IGF2BP3: variants seen among roughly 807,000 people sequenced by gnomAD.
IGF2BP3 encodes the protein insulin-like growth factor 2 mRNA-binding protein 3.
A neutral mutation model predicts 73.8 loss-of-function variants in IGF2BP3; 9 were observed. The observed-to-expected ratio is 0.12, with a 90% CI of 0.07 to 0.21. The LOEUF (loss-of-function observed/expected upper bound fraction) is 0.21. Among genes scored for constraint, IGF2BP3 ranks in the 10% least tolerant of loss-of-function variants. IGF2BP3 has a pLI of 1.00. For synonymous variants in IGF2BP3, 258 were observed against 256.7 expected (o/e 1.01, Z -0.05); for missense variants, 542 against 714.0 (o/e 0.76, Z 2.75).
At chr7:23,468,188 C>T (rs1027309536) in intron 2 of IGF2BP3, among the ~76,000 whole-genome samples, 1 of 152,174 alleles carries the variant, frequency 6.6e-6, no homozygotes, top group African/African-American at 2.4e-5. Context: ...GACCCATTTC[C>T]CGTAGGAGCA....
intron 2 of IGF2BP3, among the ~76,000 whole-genome samples, chr7:23,458,485 C>T (rs1218752592): frequency 6.6e-6 from 1 of 152,138 alleles, no homozygotes; most frequent in Non-Finnish European, 1.5e-5. Context: ...CAGACAGACA[C>T]CGTGGACTCC....
At chr7:23,323,558 C>T (rs1383453899) in intron 10 of IGF2BP3, among the ~76,000 whole-genome samples, 1 of 148,556 alleles carries the variant, frequency 6.7e-6, no homozygotes. Context: ...CTCAGCTCTG[C>T]ACCAAGCAGA....
intron 2 of IGF2BP3, among the ~76,000 whole-genome samples, chr7:23,460,166 G>A (rs187235891): frequency 1.6e-4 from 18 of 112,386 alleles, no homozygotes; most frequent in African/African-American, 2.5e-4. Flanking sequence ...GCAACCGTGC[G>A]AGACCCTGCC....
chr7:23,433,253 A>G (rs138464182), intron 2 of IGF2BP3, among the ~76,000 whole-genome samples: 39 of 152,246 alleles, frequency 2.6e-4, no homozygotes, highest in African/African-American at 8.7e-4. Context: ...CAGCAACAAG[A>G]TATTTTTAAA....
chr7:23,356,939 G>A lies in IGF2BP3; in HGVS notation c.401+4595C>T, dbSNP rs547488810. On this transcript the variant is annotated intron_variant, in intron 5 of 14. Transcript: ENST00000258729. ...TGGTGAGGATCCAACACTATGCAGA[G>A]ATTAGAATCAGTATAAATACACTGA... 3.9e-5 allele frequency among the ~76,000 whole-genome samples: 6 copies of A among 152,268 alleles called. No individual in the cohort carries two copies. The East Asian group carries it at 1.2e-3, about 29-fold the overall frequency.
At chr7:23,353,254 T>G (rs1785012161) in intron 5 of IGF2BP3, among the ~76,000 whole-genome samples, 2 of 152,116 alleles carry the variant, frequency 1.3e-5, no homozygotes, top group South Asian at 4.1e-4. Flanking sequence ...TATTTGCAAA[T>G]CTACTCTCAA....
chr7:23,370,187 C>A (rs1378369967), intron 3 of IGF2BP3, among the ~76,000 whole-genome samples: 1 of 152,180 alleles, frequency 6.6e-6, no homozygotes, highest in Non-Finnish European at 1.5e-5. Context: ...TCCCTAATAC[C>A]CATTCTTGGA....
In IGF2BP3 at chr7:23,452,800, CA is replaced by C. The variant is rs34216508; in HGVS notation, c.236+15681del. ...CTGGGCAACAGTGCGAGACTCATCTCAAAAAAAAAAAAAAAAGTGGGGGGCG... is the reference window on the plus strand; with the variant it reads ...CTGGGCAACAGTGCGAGACTCATCTCAAAAAAAAAAAAAAAGTGGGGGGCG... On this transcript the variant is annotated intron_variant, in intron 2 of 14. Transcript: ENST00000258729. Among the ~76,000 whole-genome samples, 566 of 114,226 alleles carry C rather than the reference CA, an allele frequency of 5.0e-3. 2 individuals are homozygous for C. The highest frequency in any genetic ancestry group is 0.014 in the African/African-American group (437 of 30,144). 74.9% of individuals were successfully genotyped at this position (114,226 alleles called of 152,430 possible).
rs182835007 is a variant in IGF2BP3, at chr7:23,380,040, A to C, written c.286-18299T>G. On this transcript the variant is annotated intron_variant, in intron 3 of 14. Transcript: ENST00000258729. Reference sequence around the variant, plus strand: ...TGGGTTGGGAAAGTCGTAACTTGGTAATGTCTTTAAATATAAAAAGGCTAT... The same window carrying C: ...TGGGTTGGGAAAGTCGTAACTTGGTCATGTCTTTAAATATAAAAAGGCTAT... Among the ~76,000 whole-genome samples the C allele has an allele frequency of 1.5e-4, 23 of 152,172 alleles. 1 individual carries two copies. Among genetic ancestry groups the C allele is most frequent in the Admixed American group, 9.2e-4 (14 of 15,262 alleles).
intron 2 of IGF2BP3, among the ~76,000 whole-genome samples, chr7:23,448,854 T>C (rs961126313): frequency 6.6e-6 from 1 of 151,916 alleles, no homozygotes; most frequent in Non-Finnish European, 1.5e-5. Context: ...CTGGTCTCGA[T>C]CTCCTGACCT....
intron 3 of IGF2BP3, among the ~76,000 whole-genome samples, chr7:23,385,113 T>A (rs1786040471): frequency 6.6e-6 from 1 of 152,222 alleles, no homozygotes; most frequent in South Asian, 2.1e-4. Context: ...TAGAAGTGTT[T>A]CAATTAATAA....
chr7:23,313,945 TG>T (rs769667534), intron 12 of IGF2BP3, among the ~76,000 whole-genome samples: 1 of 152,220 alleles, frequency 6.6e-6, no homozygotes, highest in Non-Finnish European at 1.5e-5. Context: ...AACGAATTTT[TG>T]TGGGCAAATG....
At chr7:23,405,094 A>G (rs958275539) in intron 3 of IGF2BP3, 1 of 152,226 alleles carries the variant, frequency 6.6e-6, no homozygotes, top group African/African-American at 2.4e-5. Flanking sequence ...TTCAGTCTCA[A>G]TTCAACCAAA....
At chr7:23,401,994 G>C (rs989112442) in intron 3 of IGF2BP3, among the ~76,000 whole-genome samples, 29 of 151,664 alleles carry the variant, frequency 1.9e-4, no homozygotes, top group African/African-American at 6.5e-4. Flanking sequence ...GCGTGTCCCT[G>C]AAGTCCCAGC....
chr7:23,380,897 T>C (rs913282298), intron 3 of IGF2BP3, among the ~76,000 whole-genome samples: 2 of 152,216 alleles, frequency 1.3e-5, no homozygotes, highest in Non-Finnish European at 2.9e-5. Context: ...TTTCCAGAAC[T>C]AGGTTTTAAG....
In IGF2BP3 at chr7:23,469,871, G is replaced by T. The variant is rs1172904438; in HGVS notation, c.175+65C>A. On this transcript the variant is annotated intron_variant, in intron 1 of 14. Transcript: ENST00000258729. The surrounding 1 kb of genome is among the most constrained non-coding windows in gnomAD (Gnocchi z 6.1). ...GGGCCTGGGGCCCGCGGAGCCACCC[G>T]GTGGGCCTGGGCGGGCGGTGCAGGG... The T allele has an allele frequency of 1.7e-6, 2 of 1,193,110 alleles. No homozygotes were observed. The highest frequency in any genetic ancestry group is 2.1e-6 in the Non-Finnish European group (2 of 931,492). The allele number at this position is 1,193,110 out of a possible 1,614,324, so 73.9% of individuals were successfully genotyped here. A position where few individuals can be genotyped will look rare whatever the true frequency, so the allele number is the denominator to read the frequency against.
chr7:23,398,906 T>A (rs551143529), intron 3 of IGF2BP3, among the ~76,000 whole-genome samples: 1 of 152,318 alleles, frequency 6.6e-6, no homozygotes, highest in Non-Finnish European at 1.5e-5. Flanking sequence ...AGAAGCTCTT[T>A]AGTTTAATTA....
intron 10 of IGF2BP3, among the ~76,000 whole-genome samples, chr7:23,324,121 C>T (rs987573381): frequency 0.026 from 3,949 of 151,902 alleles, 158 homozygotes; most frequent in African/African-American, 0.085. Flanking sequence ...AAAAAATTAA[C>T]GAATCCAGGA....
At chr7:23,449,558 T>C (rs564968921) in intron 2 of IGF2BP3, among the ~76,000 whole-genome samples, 14 of 69,626 alleles carry the variant, frequency 2.0e-4, no homozygotes, top group East Asian at 1.2e-3. Flanking sequence ...CTTTTTCTTT[T>C]TTTTTTTTTT....
Sources: allele counts gnomAD v4.1 joint callset (sites outside exome capture counted in the v4.1 genomes callset), GRCh38; gene constraint gnomAD v4.1.1; non-coding constraint Gnocchi (gnomAD v3.1); transcripts MANE v1.5; gene names NCBI Gene and HGNC (gene_info 2026-07-23, HGNC 2026-07-21).